SIGLEC15: variants seen among roughly 807,000 people sequenced by gnomAD.
The protein encoded by SIGLEC15 is sialic acid binding Ig like lectin 15.
A neutral mutation model predicts 26.2 loss-of-function variants in SIGLEC15; 31 were observed. The ratio of observed to expected loss-of-function variants is 1.18; its 90% CI spans 0.89 to 1.60. The LOEUF (loss-of-function observed/expected upper bound fraction) is 1.60, where lower values mean the gene tolerates loss of function less well. Ranked by LOEUF, SIGLEC15 falls within the 40% of genes most tolerant of loss-of-function variation. SIGLEC15 has a pLI of 0.00. For synonymous variants in SIGLEC15, 207 were observed against 221.9 expected, an observed-to-expected ratio of 0.93 and a Z score of 0.60; for missense variants, 501 against 488.4, an observed-to-expected ratio of 1.03 and a Z score of -0.24.
At position 45,838,819 on chromosome 18, in the gene SIGLEC15, TCCGGC is replaced by T. The variant is rs1485737612; in HGVS notation, c.606_610del (p.Ala203GlyfsTer12). On this transcript the variant is annotated frameshift_variant, in exon 4 of 6. Coordinates refer to ENST00000389474, the MANE Select transcript of SIGLEC15 (RefSeq NM_213602.3). LOFTEE classifies it high-confidence loss of function. ...GGAGCCGCCGCCCGCCCTCGCCTGG[TCCGGC>T]CCGGCCCTGGGCAACAGCTTGGCAG... 6.4e-7 allele frequency: 1 copy of T among 1,560,542 alleles called. No individual in the cohort carries two copies. The highest frequency in any genetic ancestry group is 1.9e-5 in the Admixed American group (1 of 54,006).
rs1285098536 is a variant in SIGLEC15, at chr18:45,842,353, GCCT to G, written c.*170_*172del. ...GACCCTGCTCAAGGAGGCTCATCTG[GCCT>G]CCTATGTGGACAACCATTTCGGAGC... On this transcript the variant is annotated 3_prime_UTR_variant, in exon 6 of 6. Transcript: ENST00000389474. The G allele has an allele frequency of 3.5e-5, 23 of 655,160 alleles. No homozygotes were observed. The highest frequency in any genetic ancestry group is 1.4e-4 in the Admixed American group (5 of 34,794). 40.6% of individuals were successfully genotyped at this position (655,160 alleles called of 1,614,324 possible).
At chr18:45,836,766 A>G (rs2048279297) in intron 1 of SIGLEC15, among the ~76,000 whole-genome samples, 1 of 152,234 alleles carries the variant, frequency 6.6e-6, no homozygotes, top group Non-Finnish European at 1.5e-5. Flanking sequence ...TTCTAGAGGA[A>G]TCTCATGCAC....
intron 5 of SIGLEC15, among the ~76,000 whole-genome samples, chr18:45,841,751 T>C (rs985627790): frequency 3.3e-5 from 5 of 152,056 alleles, no homozygotes; most frequent in African/African-American, 9.7e-5. Context: ...CGTAGCACAG[T>C]GGACATTGAG....
At chr18:45,826,315 A>G (rs1263200745) in intron 1 of SIGLEC15, among the ~76,000 whole-genome samples, 1 of 152,100 alleles carries the variant, frequency 6.6e-6, no homozygotes, top group Non-Finnish European at 1.5e-5. Flanking sequence ...TTTAAGCAAC[A>G]ATGTCATCAG....
chr18:45,834,095 A>G (rs1035115429), intron 1 of SIGLEC15, among the ~76,000 whole-genome samples: 3 of 152,126 alleles, frequency 2.0e-5, no homozygotes, highest in Non-Finnish European at 4.4e-5. Context: ...TTTGCCTAGA[A>G]TGCTACCTCA....
At chr18:45,828,128 G>A (rs988948539) in intron 1 of SIGLEC15, among the ~76,000 whole-genome samples, 1 of 152,208 alleles carries the variant, frequency 6.6e-6, no homozygotes, top group African/African-American at 2.4e-5. Context: ...CTGGGCAGGA[G>A]GCCCGAGGAG....
At chr18:45,834,137 G>A (rs953485782) in intron 1 of SIGLEC15, among the ~76,000 whole-genome samples, 14 of 152,112 alleles carry the variant, frequency 9.2e-5, no homozygotes. Flanking sequence ...CTTTCTCAAG[G>A]CTCTGCTGAA....
rs190626513 is a variant in SIGLEC15 at position 45,843,121 on chromosome 18, A to G, written c.*934A>G. The stretch of plus-strand genomic sequence containing the variant: ...CTGGGAACCACTGTCTCAGGAGCTG[A>G]AGCCGGGAGACCTGAGGGGAGGTCT... On this transcript the variant is annotated 3_prime_UTR_variant, in exon 6 of 6. Coordinates refer to ENST00000389474, the MANE Select transcript of SIGLEC15 (RefSeq NM_213602.3). 2 of 152,424 alleles carry G rather than the reference A, an allele frequency of 1.3e-5. No individual in the cohort carries two copies. Among genetic ancestry groups the G allele is most frequent in the African/African-American group, 4.8e-5 (2 of 41,588 alleles). 9.4% of individuals were successfully genotyped at this position (152,424 alleles called of 1,614,324 possible). A position where few individuals can be genotyped will look rare whatever the true frequency, so the allele number is the denominator to read the frequency against.
intron 5 of SIGLEC15, among the ~76,000 whole-genome samples, chr18:45,841,710 A>C (rs2048326188): frequency 6.6e-6 from 1 of 152,080 alleles, no homozygotes; most frequent in African/African-American, 2.4e-5. Flanking sequence ...AGACAAGAGG[A>C]GAAGAGAGTG....
At chr18:45,829,175 T>A in intron 1 of SIGLEC15, 1 of 984,858 alleles carries the variant, frequency 1.0e-6, no homozygotes. Flanking sequence ...TGCCTCTCCA[T>A]CAGCTCAGGT....
intron 5 of SIGLEC15, among the ~76,000 whole-genome samples, 197 bp downstream of exon 5, chr18:45,840,438 G>A (rs1270140183): frequency 6.6e-6 from 1 of 152,162 alleles, no homozygotes; most frequent in Non-Finnish European, 1.5e-5. Flanking sequence ...GACAGACCAA[G>A]CCTCGCTGAC....
intron 1 of SIGLEC15, among the ~76,000 whole-genome samples, chr18:45,836,695 C>T (rs2048278713): frequency 1.3e-5 from 2 of 152,238 alleles, no homozygotes; most frequent in South Asian, 2.1e-4. Context: ...TCTCTCAGCT[C>T]CCTCCCTGCC....
intron 2 of SIGLEC15, 22 bp downstream of exon 2, chr18:45,837,110 A>C: frequency 6.2e-7 from 1 of 1,612,254 alleles, no homozygotes; most frequent in South Asian, 1.1e-5. Flanking sequence ...TATTATTATC[A>C]CCATCTCGGG....
chr18:45,838,873 C>G lies in SIGLEC15; in HGVS notation c.652C>G (p.His218Asp). Residue 218 changes from histidine (H) to aspartate (D), a missense_variant, in exon 4 of 6, where the codon CAC (histidine) becomes GAC (aspartate). Physicochemically the swap from His to Asp is moderately conservative, Grantham distance 81 (BLOSUM62 -1). Coordinates refer to ENST00000389474, the MANE Select transcript of SIGLEC15 (RefSeq NM_213602.3). ...AGCCGTGCGGAGCCCGCGTGAGGGT[C>G]ACGGCCACCTAGTGACCGCCGAACT... Reference protein sequence around the residue: ...LAAVRSPREGHGHLVTAELPA... With the variant: ...LAAVRSPREGDGHLVTAELPA... 6.3e-7 allele frequency: 1 copy of G among 1,588,566 alleles called. No individual in the cohort carries two copies. The highest frequency in any genetic ancestry group is 8.5e-7 in the Non-Finnish European group (1 of 1,172,104).
In SIGLEC15 at chr18:45,839,030, CTCTCGGCT is replaced by C; in HGVS notation, c.812_819del (p.Leu271GlnfsTer38). The stretch of plus-strand genomic sequence containing the variant: ...TCGACGGTCGCCCTCCTGCTCGGCG[CTCTCGGCT>C]TCAAGGCGCTGCTGCTGCTCGGGGT... On this transcript the variant is annotated frameshift_variant, in exon 4 of 6. Coordinates refer to ENST00000389474, the MANE Select transcript of SIGLEC15 (RefSeq NM_213602.3). LOFTEE classifies it high-confidence loss of function. 6.4e-7 allele frequency: 1 copy of C among 1,572,780 alleles called. No individual in the cohort carries two copies. Among genetic ancestry groups the C allele is most frequent in the Non-Finnish European group, 8.6e-7 (1 of 1,167,804 alleles).
chr18:45,837,507 C>A lies in SIGLEC15; in HGVS notation c.113-6C>A. 1 of 1,486,708 alleles carries A rather than the reference C, an allele frequency of 6.7e-7. No homozygotes were observed. The allele number at this position is 1,486,708 out of a possible 1,614,324, so 92.1% of individuals were successfully genotyped here. ...CCGAGCCTGACGCAGCCCGCCCCGC[C>A]CTCAGGCTCGCCAGCGCAGCGCTGG... On this transcript the variant is annotated splice_polypyrimidine_tract_variant and splice_region_variant and intron_variant, in intron 2 of 5. Coordinates refer to ENST00000389474, the MANE Select transcript of SIGLEC15 (RefSeq NM_213602.3).
intron 1 of SIGLEC15, among the ~76,000 whole-genome samples, chr18:45,830,579 CTTTCT>C (rs1261871377): frequency 1.0e-5 from 1 of 96,806 alleles, no homozygotes; most frequent in Non-Finnish European, 2.1e-5. Context: ...AGATATTTTT[CTTTCT>C]TTTTTTTTTT....
intron 1 of SIGLEC15, among the ~76,000 whole-genome samples, chr18:45,835,078 G>GA (rs952062484): frequency 4.3e-4 from 63 of 145,136 alleles, no homozygotes; most frequent in South Asian, 1.3e-3. Context: ...CATTTGTCCA[G>GA]AAAAAAAAAA....
In SIGLEC15 at chr18:45,843,448, A is replaced by C. The variant is rs1367301528; in HGVS notation, c.*1261A>C. On this transcript the variant is annotated 3_prime_UTR_variant, in exon 6 of 6. Coordinates refer to ENST00000389474, the MANE Select transcript of SIGLEC15 (RefSeq NM_213602.3). ...GGCCATGAACAAGACATCTCACCCC[A>C]GTTACAATGGCTTTTATCCAAAAGA... 1.3e-5 allele frequency: 2 copies of C among 152,272 alleles called. No individual in the cohort carries two copies. Among genetic ancestry groups the C allele is most frequent in the Non-Finnish European group, 2.9e-5 (2 of 68,066 alleles). 9.4% of individuals were successfully genotyped at this position (152,272 alleles called of 1,614,324 possible). A position where few individuals can be genotyped will look rare whatever the true frequency, so the allele number is the denominator to read the frequency against.
Sources: gnomAD v4.1 joint callset for allele counts (sites outside exome capture counted in the v4.1 genomes callset) on GRCh38, gnomAD v4.1.1 for gene constraint, MANE v1.5 for transcripts, NCBI Gene and HGNC (gene_info 2026-07-23, HGNC 2026-07-21) for gene names.